The following ANKS1B variants were observed in gnomAD, a reference collection of about 807,000 sequenced individuals.
The protein encoded by ANKS1B is ankyrin repeat and sterile alpha motif domain-containing protein 1B.
Under a neutral mutation model 148.3 loss-of-function variants are expected in ANKS1B, and 36 were observed. The ratio of observed to expected loss-of-function variants is 0.24; its 90% CI spans 0.19 to 0.32. The LOEUF is 0.32. Ranked by LOEUF, ANKS1B falls within the 10% of genes least tolerant of loss-of-function variation. The probability of loss-of-function intolerance (pLI) is 1.00; values close to 1 mark genes in which losing one functional copy is unlikely to be tolerated. For missense variants in ANKS1B, 1,157 were observed against 1,542.6 expected, an observed-to-expected ratio of 0.75 and a Z score of 4.19; for synonymous variants, 542 against 560.8, an observed-to-expected ratio of 0.97 and a Z score of 0.47.
chr12:99,901,775 C>T (rs1361704032), intron 1 of ANKS1B, among the ~76,000 whole-genome samples: 1 of 151,960 alleles, frequency 6.6e-6, no homozygotes, highest in Non-Finnish European at 1.5e-5. Context: ...CCTAACACAA[C>T]ATTCCCTTCT....
At chr12:99,669,554 C>G (rs1430533523) in intron 8 of ANKS1B, among the ~76,000 whole-genome samples, 1 of 152,082 alleles carries the variant, frequency 6.6e-6, no homozygotes, top group Non-Finnish European at 1.5e-5. Context: ...AGCATGATCC[C>G]TCTACTTGGG....
At chr12:99,968,416 G>A (rs1389692265) in intron 1 of ANKS1B, among the ~76,000 whole-genome samples, 4 of 152,092 alleles carry the variant, frequency 2.6e-5, no homozygotes, top group Non-Finnish European at 5.9e-5. Context: ...AAAATAGCCC[G>A]GTGTGGTGGC....
intron 12 of ANKS1B, among the ~76,000 whole-genome samples, chr12:99,317,696 A>C (rs1393253658): frequency 6.6e-6 from 1 of 152,304 alleles, no homozygotes; most frequent in East Asian, 1.9e-4. Context: ...AACTTCCAAC[A>C]CTATGTTGAA....
chr12:99,133,968 G>A (rs1302471574), intron 15 of ANKS1B, among the ~76,000 whole-genome samples: 1 of 152,194 alleles, frequency 6.6e-6, no homozygotes, highest in Non-Finnish European at 1.5e-5. Flanking sequence ...GAGACATTAA[G>A]TAATTTTCTT....
At chr12:99,797,663 G>A (rs1218948631) in intron 4 of ANKS1B, among the ~76,000 whole-genome samples, 2 of 150,662 alleles carry the variant, frequency 1.3e-5, no homozygotes, top group African/African-American at 4.9e-5. Context: ...ACCTTTTAGG[G>A]GAAAAAAAAA....
intron 12 of ANKS1B, among the ~76,000 whole-genome samples, chr12:99,283,550 G>A (rs1156288057): frequency 6.6e-6 from 1 of 152,196 alleles, no homozygotes; most frequent in Non-Finnish European, 1.5e-5. Flanking sequence ...CCTGGCAGGA[G>A]TGTATCCTTA....
At chr12:99,145,662 T>C (rs187817748) in intron 15 of ANKS1B, among the ~76,000 whole-genome samples, 17 of 152,198 alleles carry the variant, frequency 1.1e-4, no homozygotes, top group Admixed American at 1.0e-3. Flanking sequence ...ACCAGAAGTA[T>C]GACAAACGGA....
chr12:99,879,055 G>A (rs1255521946), intron 1 of ANKS1B, among the ~76,000 whole-genome samples: 1 of 152,176 alleles, frequency 6.6e-6, no homozygotes, highest in Non-Finnish European at 1.5e-5. Context: ...TGAGGTACTA[G>A]AAGGGTGACT....
At chr12:98,905,102 T>C (rs570995289) in intron 17 of ANKS1B, among the ~76,000 whole-genome samples, 1 of 152,194 alleles carries the variant, frequency 6.6e-6, no homozygotes, top group Non-Finnish European at 1.5e-5. Flanking sequence ...ATTTCTAATA[T>C]TGTTTCTATT....
chr12:99,621,236 A>T (rs1047774147), intron 9 of ANKS1B, among the ~76,000 whole-genome samples: 1 of 152,080 alleles, frequency 6.6e-6, no homozygotes, highest in Non-Finnish European at 1.5e-5. Flanking sequence ...CTTACAAGAC[A>T]TCCTTAAGGA....
intron 14 of ANKS1B, among the ~76,000 whole-genome samples, chr12:99,231,885 G>A (rs978785782): frequency 1.3e-5 from 2 of 152,062 alleles, no homozygotes; most frequent in African/African-American, 2.4e-5. Context: ...GACATATTTA[G>A]GAGAAAGAGC....
chr12:99,057,336 C>G (rs2040553305), intron 16 of ANKS1B, among the ~76,000 whole-genome samples: 1 of 152,166 alleles, frequency 6.6e-6, no homozygotes, highest in African/African-American at 2.4e-5. Context: ...TCTTAGTTCT[C>G]TTTTCTCCCC....
intron 1 of ANKS1B, among the ~76,000 whole-genome samples, chr12:99,932,223 A>G (rs2153809207): frequency 6.6e-6 from 1 of 152,314 alleles, no homozygotes; most frequent in African/African-American, 2.4e-5. Context: ...TAGTGCTGCA[A>G]TAAACATGGG....
At chr12:99,123,014 A>ATATATATATATATATATATATATATG (rs2063334448) in intron 15 of ANKS1B, among the ~76,000 whole-genome samples, 1 of 143,278 alleles carries the variant, frequency 7.0e-6, no homozygotes, top group African/African-American at 2.7e-5. Context: ...ATATATATAT[A>ATATATATATATATATATATATATATG]AACATGTATA....
intron 12 of ANKS1B, among the ~76,000 whole-genome samples, chr12:99,332,100 T>C (rs2087676123): frequency 6.6e-6 from 1 of 152,002 alleles, no homozygotes; most frequent in Non-Finnish European, 1.5e-5. Flanking sequence ...TGAGAAATCC[T>C]TTCCCTCGAT....
At chr12:99,781,289 A>T (rs1020294641) in intron 5 of ANKS1B, among the ~76,000 whole-genome samples, 13 of 152,158 alleles carry the variant, frequency 8.5e-5, no homozygotes, top group African/African-American at 3.1e-4. Context: ...TCACAATACA[A>T]CAGTCTGCCA....
intron 1 of ANKS1B, among the ~76,000 whole-genome samples, chr12:99,900,497 C>T: frequency 8.5e-6 from 1 of 117,700 alleles, no homozygotes; most frequent in African/African-American, 3.5e-5. Context: ...CAGAGTGAGA[C>T]TCCATCTCAA....
Position 99,825,299 on chromosome 12 carries a change from T to C in ANKS1B, c.215+10A>G. ...ATACACACGATTCCGTCCAAATAAG[T>C]GGCACTTACTTATGTCCATTTAAGG... On this transcript the variant is annotated intron_variant, in intron 2 of 26. Coordinates refer to ENST00000683438, the MANE Select transcript of ANKS1B (RefSeq NM_001352186.2). 6.2e-7 allele frequency: 1 copy of C among 1,608,486 alleles called. No individual in the cohort carries two copies. The highest frequency in any genetic ancestry group is 1.1e-5 in the South Asian group (1 of 90,240).
intron 9 of ANKS1B, among the ~76,000 whole-genome samples, chr12:99,611,126 C>T (rs2097898298): frequency 6.6e-6 from 1 of 152,078 alleles, no homozygotes; most frequent in African/African-American, 2.4e-5. Flanking sequence ...ACTACAAACA[C>T]TTTATATCAA....
Sources: allele counts gnomAD v4.1 joint callset (sites outside exome capture counted in the v4.1 genomes callset), GRCh38; gene constraint gnomAD v4.1.1; transcripts MANE v1.5; gene names NCBI Gene and HGNC (gene_info 2026-07-23, HGNC 2026-07-21).